Variants in TBC1D32 observed in about 807,000 individuals in gnomAD.
TBC1D32 encodes protein broad-minded.
A neutral mutation model predicts 170.3 loss-of-function variants in TBC1D32; 151 were observed. That is an observed-to-expected ratio of 0.89 (90% CI 0.78 to 1.01). The LOEUF is 1.01. TBC1D32 is among the 50% of genes least tolerant of loss of function. The pLI is 0.00. For missense variants in TBC1D32, 1,464 were observed against 1,457.1 expected (o/e 1.00, Z -0.08); for synonymous variants, 498 against 488.0 (o/e 1.02, Z -0.27).
chr6:121,129,887 T>C (rs1308029842), intron 25 of TBC1D32: 1 of 451,226 alleles, frequency 2.2e-6, no homozygotes, highest in Non-Finnish European at 4.4e-6. Context: ...ATACTCTCGA[T>C]GGTATCTCAC....
intron 24 of TBC1D32, among the ~76,000 whole-genome samples, chr6:121,140,188 T>A (rs1725429613): frequency 1.3e-5 from 2 of 152,064 alleles, no homozygotes; most frequent in Admixed American, 6.5e-5. Flanking sequence ...ACATATTTTA[T>A]ACTGAATTCA....
chr6:121,265,970 A>G (rs887020857), intron 15 of TBC1D32, among the ~76,000 whole-genome samples: 1 of 152,028 alleles, frequency 6.6e-6, no homozygotes, highest in African/African-American at 2.4e-5. Context: ...CCATAAAACC[A>G]CAGAAGAAAA....
Position 121,241,532 on chromosome 6 carries a change from A to G in TBC1D32, c.2178T>C (p.Phe726=). Residue 726 remains phenylalanine, a synonymous_variant, in exon 19 of 32, where the codon TTT becomes TTC. Coordinates refer to ENST00000398212, the MANE Select transcript of TBC1D32 (RefSeq NM_152730.6). ...CTCGTGTAACCAAAACTCCATAGCC[A>G]AATTTTTTATGCCTGCTGACCTAAC... The part of the protein sequence containing the change: ...KKLQVSRHKK[F]GYGVLVTRVA... 3.1e-6 allele frequency: 5 copies of G among 1,613,570 alleles called. No individual in the cohort carries two copies. In the South Asian group the frequency reaches 3.3e-5, roughly 11 times the overall value.
intron 1 of TBC1D32, 139 bp from the exon 2 acceptor site, chr6:121,321,933 G>A (rs1412908526): frequency 1.3e-5 from 11 of 827,940 alleles, no homozygotes; most frequent in Non-Finnish European, 1.9e-5. Context: ...AAATCATCAA[G>A]CTAATCTACT....
intron 22 of TBC1D32, among the ~76,000 whole-genome samples, chr6:121,183,898 A>T (rs1467506649): frequency 6.6e-6 from 1 of 152,080 alleles, no homozygotes; most frequent in Non-Finnish European, 1.5e-5. Context: ...TACTAAACAC[A>T]GACAATACAC....
At chr6:121,131,815 T>TGTTTACATA in intron 24 of TBC1D32, 63 bp from the exon 25 acceptor site, 4 of 1,329,730 alleles carry the variant, frequency 3.0e-6, no homozygotes, top group Non-Finnish European at 4.1e-6. Context: ...AAATTATTAA[T>TGTTTACATA]GTTAACTATG....
chr6:121,291,631 C>T (rs1055121423), intron 12 of TBC1D32, among the ~76,000 whole-genome samples: 2 of 151,974 alleles, frequency 1.3e-5, no homozygotes, highest in Non-Finnish European at 2.9e-5. Flanking sequence ...GTTTATAAAA[C>T]AGTATTTGCA....
At chr6:121,216,887 AC>A (rs1793894916) in intron 21 of TBC1D32, among the ~76,000 whole-genome samples, 1 of 152,202 alleles carries the variant, frequency 6.6e-6, no homozygotes, top group African/African-American at 2.4e-5. Context: ...AGGCTCTCTG[AC>A]TGCTAAGGTG....
intron 9 of TBC1D32, among the ~76,000 whole-genome samples, chr6:121,300,765 G>A (rs566150359): frequency 6.6e-6 from 1 of 152,164 alleles, no homozygotes; most frequent in Admixed American, 6.5e-5. Context: ...CTATGGAATG[G>A]GAGAAAATTT....
At chr6:121,172,356 AAGATGAAATC>A (rs1787143931) in intron 22 of TBC1D32, among the ~76,000 whole-genome samples, 1 of 152,178 alleles carries the variant, frequency 6.6e-6, no homozygotes, top group African/African-American at 2.4e-5. Context: ...CTGGACTATC[AAGATGAAATC>A]AGTGTACTAC....
intron 22 of TBC1D32, among the ~76,000 whole-genome samples, chr6:121,192,142 G>A (rs1224351556): frequency 1.3e-5 from 2 of 150,402 alleles, no homozygotes; most frequent in East Asian, 3.9e-4. Flanking sequence ...TACCAGGAAT[G>A]GTTCTAAAGG....
At chr6:121,267,515 A>G (rs987749031) in intron 15 of TBC1D32, among the ~76,000 whole-genome samples, 3 of 152,118 alleles carry the variant, frequency 2.0e-5, no homozygotes, top group Non-Finnish European at 2.9e-5. Flanking sequence ...AGCCTCCCTC[A>G]CGGCTAGCAC....
intron 17 of TBC1D32, among the ~76,000 whole-genome samples, chr6:121,251,974 G>C (rs1798355988): frequency 6.6e-6 from 1 of 152,126 alleles, no homozygotes; most frequent in African/African-American, 2.4e-5. Context: ...ATGAAAAAAA[G>C]TTCATCACCA....
intron 20 of TBC1D32, among the ~76,000 whole-genome samples, chr6:121,237,647 G>A (rs1286623330): frequency 6.6e-6 from 1 of 151,768 alleles, no homozygotes; most frequent in Non-Finnish European, 1.5e-5. Context: ...TGAAGGCCAT[G>A]TAGAAATTTT....
intron 22 of TBC1D32, among the ~76,000 whole-genome samples, chr6:121,199,670 A>G (rs141900318): frequency 4.6e-4 from 69 of 151,320 alleles, no homozygotes; most frequent in African/African-American, 1.6e-3. Flanking sequence ...TATAAAATCT[A>G]AAATATGGAT....
rs1582671295 is a variant in TBC1D32 at position 121,080,470 on chromosome 6, T to C, written c.*301A>G. ...ACCTCGTGATCCGCCCACCTCAGAC[T>C]CCCAAAGTGCTGGGATTACAGGCAT... On this transcript the variant is annotated 3_prime_UTR_variant, in exon 32 of 32. Transcript: ENST00000398212. 1 of 248,748 alleles carries C rather than the reference T, an allele frequency of 4.0e-6. No homozygotes were observed. The highest frequency in any genetic ancestry group is 8.0e-6 in the Non-Finnish European group (1 of 124,350). The allele number at this position is 248,748 out of a possible 1,614,324, so 15.4% of individuals were successfully genotyped here.
chr6:121,080,715 C>G lies in TBC1D32; in HGVS notation c.*56G>C. 1 of 1,564,576 alleles carries G rather than the reference C, an allele frequency of 6.4e-7. No homozygotes were observed. Among genetic ancestry groups the G allele is most frequent in the South Asian group, 1.2e-5 (1 of 82,540 alleles). On this transcript the variant is annotated 3_prime_UTR_variant, in exon 32 of 32. Coordinates refer to ENST00000398212, the MANE Select transcript of TBC1D32 (RefSeq NM_152730.6). ...TACAGACACAGAAAAACATCAAGCC[C>G]CCCTGCTGTGTTTAAAAATAAATAA...
chr6:121,310,598 C>G (rs1808045632), intron 4 of TBC1D32, among the ~76,000 whole-genome samples, 181 bp downstream of exon 4: 1 of 152,156 alleles, frequency 6.6e-6, no homozygotes, highest in Non-Finnish European at 1.5e-5. Context: ...TGAGGAAAGC[C>G]TCCCTTATTC....
chr6:121,256,201 C>T lies in TBC1D32; in HGVS notation c.1818G>A (p.Leu606=), dbSNP rs1286240287. The change falls in exon 16 of 32, where the codon TTG becomes TTA. Residue 606 remains leucine, a synonymous_variant. Coordinates refer to ENST00000398212, the MANE Select transcript of TBC1D32 (RefSeq NM_152730.6). ...DISIFSGSEM[L]PVVKGAFISV... is the part of the protein sequence containing the mutation. ...AAATAAAAGCTCCTTTAACCACAGG[C>T]AACATTTCTGATCCAGAAAATATAG... is the stretch of plus-strand genomic sequence containing the variant. The T allele has an allele frequency of 6.2e-7, 1 of 1,613,864 alleles. No individual in the cohort carries two copies. Among genetic ancestry groups the T allele is most frequent in the Non-Finnish European group, 8.5e-7 (1 of 1,179,918 alleles).
Sources: gnomAD v4.1 joint callset for allele counts (sites outside exome capture counted in the v4.1 genomes callset) on GRCh38, gnomAD v4.1.1 for gene constraint, MANE v1.5 for transcripts, NCBI Gene and HGNC (gene_info 2026-07-23, HGNC 2026-07-21) for gene names.